The following TTC7B variants were observed in gnomAD, a reference collection of about 807,000 sequenced individuals.
TTC7B encodes the protein tetratricopeptide repeat domain 7B.
TTC7B carries 28 observed loss-of-function variants against 106.8 expected under a neutral mutation model. The observed-to-expected ratio is 0.26, with a 90% CI of 0.19 to 0.36. The LOEUF (loss-of-function observed/expected upper bound fraction) is 0.36, where lower values mean the gene tolerates loss of function less well. Ranked by LOEUF, TTC7B falls within the 10% of genes least tolerant of loss-of-function variation. The pLI is 1.00. For missense variants in TTC7B, 862 were observed against 1,076.4 expected, an observed-to-expected ratio of 0.80 and a Z score of 2.79; for synonymous variants, 405 against 430.6, an observed-to-expected ratio of 0.94 and a Z score of 0.74.
rs1170971014 is a variant in TTC7B at position 90,610,095 on chromosome 14, T to G, written c.1966+647A>C. On this transcript the variant is annotated intron_variant, in intron 17 of 19. Coordinates refer to ENST00000328459, the MANE Select transcript of TTC7B (RefSeq NM_001010854.2). ...TTGGGTCCAATCCCAGGATATCTCA[T>G]TATGTTTATGCAAATATTCCCAAAC... is the stretch of plus-strand genomic sequence containing the variant. Among the ~76,000 whole-genome samples, 3 of 152,214 alleles carry G rather than the reference T, an allele frequency of 2.0e-5. No homozygotes were observed. In the East Asian group the frequency reaches 5.8e-4, roughly 29 times the overall value.
At chr14:90,579,727 A>C (rs1324021136) in intron 18 of TTC7B, among the ~76,000 whole-genome samples, 1 of 152,206 alleles carries the variant, frequency 6.6e-6, no homozygotes, top group Admixed American at 6.5e-5. Context: ...TGAACCTGGG[A>C]GGTGGAGGTT....
In TTC7B at chr14:90,786,856, C is replaced by G. The variant is rs532820829; in HGVS notation, c.122-528G>C. ...TCGACCTCCAAAAGTGCTGGGATTA[C>G]AGGCATGAGCCACTGCGCCTGGCTG... On this transcript the variant is annotated intron_variant, in intron 1 of 19. Coordinates refer to ENST00000328459, the MANE Select transcript of TTC7B (RefSeq NM_001010854.2). Among the ~76,000 whole-genome samples, 4 of 152,270 alleles carry G rather than the reference C, an allele frequency of 2.6e-5. No homozygotes were observed. In the East Asian group the frequency reaches 7.7e-4, roughly 29 times the overall value.
chr14:90,581,755 T>C (rs1465318112), intron 18 of TTC7B, among the ~76,000 whole-genome samples: 1 of 152,156 alleles, frequency 6.6e-6, no homozygotes, highest in Non-Finnish European at 1.5e-5. Flanking sequence ...CCAATAAGAC[T>C]GTGTGCATGT....
chr14:90,614,665 C>A (rs1892998538), intron 16 of TTC7B, among the ~76,000 whole-genome samples: 1 of 152,202 alleles, frequency 6.6e-6, no homozygotes. Flanking sequence ...AAAACTTGGG[C>A]AAGTTATTTA....
At chr14:90,780,974 T>C (rs1047309830) in intron 2 of TTC7B, 68 bp from the exon 3 acceptor site, 2 of 1,456,298 alleles carry the variant, frequency 1.4e-6, no homozygotes, top group African/African-American at 1.4e-5. Flanking sequence ...CCTCAGAGTC[T>C]GGCCAGCTGC....
chr14:90,779,472 T>G (rs1891140512), intron 3 of TTC7B, among the ~76,000 whole-genome samples: 1 of 152,048 alleles, frequency 6.6e-6, no homozygotes, highest in South Asian at 2.1e-4. Context: ...ACCCGGCTAA[T>G]TTTTGTACTT....
chr14:90,623,216 G>A (rs1251559652), intron 15 of TTC7B, among the ~76,000 whole-genome samples: 1 of 152,182 alleles, frequency 6.6e-6, no homozygotes, highest in Admixed American at 6.5e-5. Context: ...GGAAACTTCT[G>A]CTTTGAAGAC....
At chr14:90,815,717 A>G (rs959137851) in intron 1 of TTC7B, among the ~76,000 whole-genome samples, 2 of 151,950 alleles carry the variant, frequency 1.3e-5, no homozygotes, top group African/African-American at 4.8e-5. Context: ...GGGTCTATGT[A>G]CAACACCCCA....
intron 4 of TTC7B, among the ~76,000 whole-genome samples, chr14:90,736,120 A>C (rs561379969): frequency 5.3e-5 from 8 of 151,880 alleles, no homozygotes; most frequent in Non-Finnish European, 1.0e-4. Flanking sequence ...GAAATTTGGG[A>C]AATTTTAATT....
intron 19 of TTC7B, among the ~76,000 whole-genome samples, chr14:90,555,353 G>A (rs1015880285): frequency 6.6e-6 from 1 of 152,174 alleles, no homozygotes; most frequent in African/African-American, 2.4e-5. Context: ...GCCAGATTCC[G>A]GGTGAGCCAG....
At chr14:90,763,772 T>G (rs1011223705) in intron 3 of TTC7B, among the ~76,000 whole-genome samples, 20 of 152,222 alleles carry the variant, frequency 1.3e-4, no homozygotes, top group African/African-American at 4.6e-4. Flanking sequence ...AAAAGAACTC[T>G]TAGAATAAAT....
intron 17 of TTC7B, chr14:90,602,107 A>G (rs770448750): frequency 1.5e-5 from 7 of 455,916 alleles, no homozygotes; most frequent in Middle Eastern, 3.2e-4. Flanking sequence ...GAGGGGCAGT[A>G]TTTGCCATAA....
chr14:90,550,443 T>A (rs148540456), intron 19 of TTC7B, among the ~76,000 whole-genome samples: 1 of 152,328 alleles, frequency 6.6e-6, no homozygotes, highest in East Asian at 1.9e-4. Flanking sequence ...CTATAACCTG[T>A]TGAATATGTA....
intron 5 of TTC7B, 78 bp from the exon 6 acceptor site, chr14:90,695,656 T>C: frequency 1.1e-6 from 1 of 895,874 alleles, no homozygotes; most frequent in Non-Finnish European, 1.6e-6. Context: ...TTTCAATGCA[T>C]TTTGTCTGCA....
chr14:90,607,475 C>T (rs1892691693), intron 17 of TTC7B, among the ~76,000 whole-genome samples: 1 of 152,198 alleles, frequency 6.6e-6, no homozygotes. Context: ...TTCTCCCAGG[C>T]CACATTTGAT....
chr14:90,596,603 A>G (rs758127740), intron 17 of TTC7B, among the ~76,000 whole-genome samples: 1 of 152,222 alleles, frequency 6.6e-6, no homozygotes, highest in Non-Finnish European at 1.5e-5. Flanking sequence ...TCCTACAGGA[A>G]GGCTGCTGTG....
intron 1 of TTC7B, among the ~76,000 whole-genome samples, chr14:90,798,377 A>G (rs2030010816): frequency 6.6e-6 from 1 of 152,184 alleles, no homozygotes; most frequent in African/African-American, 2.4e-5. Context: ...GTAATAGCTG[A>G]CAATCACAAA....
chr14:90,788,045 A>T (rs1402103090), intron 1 of TTC7B, among the ~76,000 whole-genome samples: 1 of 150,704 alleles, frequency 6.6e-6, no homozygotes, highest in Admixed American at 6.7e-5. Flanking sequence ...TGCACCTGTA[A>T]TCCCAGCTAC....
At chr14:90,544,700 T>C (rs1176781322) in intron 19 of TTC7B, among the ~76,000 whole-genome samples, 1 of 151,932 alleles carries the variant, frequency 6.6e-6, no homozygotes. Context: ...AACGTAACTA[T>C]GAGGGAAGGG....
Sources: gnomAD v4.1 joint callset for allele counts (sites outside exome capture counted in the v4.1 genomes callset) on GRCh38, gnomAD v4.1.1 for gene constraint, MANE v1.5 for transcripts, NCBI Gene and HGNC (gene_info 2026-07-23, HGNC 2026-07-21) for gene names.